MACF1: variants seen among roughly 807,000 people sequenced by gnomAD.
MACF1 encodes microtubule-actin cross-linking factor 1.
A neutral mutation model predicts 854.8 loss-of-function variants in MACF1; 193 were observed. The ratio of observed to expected loss-of-function variants is 0.23; its 90% CI spans 0.20 to 0.25. The LOEUF is 0.25. Ranked by LOEUF, MACF1 falls within the 10% of genes least tolerant of loss-of-function variation. The pLI, the probability that MACF1 is intolerant of heterozygous loss-of-function variation, is 1.00. For missense variants in MACF1, 7,722 were observed against 8,929.1 expected (o/e 0.86, Z 5.45); for synonymous variants, 3,185 against 3,226.7 (o/e 0.99, Z 0.44).
At chr1:39,468,542 A>G in intron 95 of MACF1, 73 bp from the exon 96 acceptor site, 1 of 1,207,922 alleles carries the variant, frequency 8.3e-7, no homozygotes, top group South Asian at 1.3e-5. Flanking sequence ...GTCTGAATAC[A>G]GTCTGCTTTG....
At chr1:39,303,102 G>C in intron 23 of MACF1, 24 bp downstream of exon 23, 2 of 1,610,762 alleles carry the variant, frequency 1.2e-6, no homozygotes, top group South Asian at 2.2e-5. Context: ...GCTGCCACTG[G>C]TACACCCACC....
At position 39,452,151 on chromosome 1, in the gene MACF1, T is replaced by C. The variant is rs377213942; in HGVS notation, c.20419-5T>C. 8.8e-6 allele frequency: 14 copies of C among 1,583,204 alleles called. No individual in the cohort carries two copies. The highest frequency in any genetic ancestry group is 8.2e-5 in the African/African-American group (6 of 73,560). On this transcript the variant is annotated splice_polypyrimidine_tract_variant and splice_region_variant and intron_variant, in intron 85 of 100. Transcript: ENST00000564288. ...ACAAACAAATTCTCCTATTTTCTTT[T>C]CTAGGTTTTCCAGAAGGAACTGGGA...
At chr1:39,436,425 C>T (rs1363515245) in intron 70 of MACF1, 1 of 1,604,222 alleles carries the variant, frequency 6.2e-7, no homozygotes, top group Non-Finnish European at 8.5e-7. Context: ...CTGCCTGCTC[C>T]TGTCTTCCCC....
intron 68 of MACF1, among the ~76,000 whole-genome samples, chr1:39,433,867 G>GTCA (rs1264533619): frequency 2.6e-5 from 4 of 152,124 alleles, no homozygotes; most frequent in Admixed American, 1.3e-4. Context: ...ATTACCTGAG[G>GTCA]TCAGGAGTTC....
At position 39,460,174 on chromosome 1, in the gene MACF1, A is replaced by G. The variant is rs1050805328; in HGVS notation, c.21361-458A>G. ...TTCCATCCAGAACTCAGATTTTCTCATTGAAATCTCAGAAGATAGTGGTAA... is the reference window on the plus strand; with the variant it reads ...TTCCATCCAGAACTCAGATTTTCTCGTTGAAATCTCAGAAGATAGTGGTAA... On this transcript the variant is annotated intron_variant, in intron 91 of 100. Transcript: ENST00000564288. The surrounding 1 kb of genome is among the most constrained non-coding windows in gnomAD (Gnocchi z 4.1). 6.6e-6 allele frequency among the ~76,000 whole-genome samples: 1 copy of G among 152,180 alleles called. No individual in the cohort carries two copies. The highest frequency in any genetic ancestry group is 1.5e-5 in the Non-Finnish European group (1 of 68,034).
rs1373452970 is a variant in MACF1, at chr1:39,387,254, G to A, written c.14412G>A (p.Glu4804=). The change falls in exon 58 of 101, where the codon GAG becomes GAA. Residue 4804 remains glutamate, a synonymous_variant. Coordinates refer to ENST00000564288, the MANE Select transcript of MACF1 (RefSeq NM_001394062.1). The stretch of plus-strand genomic sequence containing the variant: ...AGCAGTTCCAGCAAATGTTTGATGA[G>A]TTGAGGACCTGGTTGGATGATAAAC... ...STQQFQQMFD[E]LRTWLDDKQS... The A allele has an allele frequency of 6.2e-7, 1 of 1,614,226 alleles. No homozygotes were observed. The highest frequency in any genetic ancestry group is 8.5e-7 in the Non-Finnish European group (1 of 1,180,030).
chr1:39,431,538 T>G (rs1023082451), intron 66 of MACF1, among the ~76,000 whole-genome samples: 5 of 152,188 alleles, frequency 3.3e-5, no homozygotes, highest in Admixed American at 3.3e-4. Flanking sequence ...TTGCTCTGAG[T>G]CCAGGTATAT....
intron 58 of MACF1, among the ~76,000 whole-genome samples, chr1:39,399,371 C>CTTTTTT (rs1330401656): frequency 4.5e-4 from 44 of 96,740 alleles, no homozygotes; most frequent in African/African-American, 1.2e-3. Context: ...CTTTATAAAG[C>CTTTTTT]TTTTTTTTTT....
At chr1:39,351,315 G>A (rs927874212) in intron 43 of MACF1, among the ~76,000 whole-genome samples, 1 of 152,116 alleles carries the variant, frequency 6.6e-6, no homozygotes. Context: ...ACCACACCTA[G>A]CTAATTTTTG....
At chr1:39,485,442 TA>T in intron 100 of MACF1, 95 bp from the exon 101 acceptor site, 1 of 1,355,102 alleles carries the variant, frequency 7.4e-7, no homozygotes, top group South Asian at 1.5e-5. Context: ...GAGATTTGCT[TA>T]AGATCACACA....
intron 44 of MACF1, among the ~76,000 whole-genome samples, chr1:39,357,044 T>G (rs575874238): frequency 6.6e-6 from 1 of 152,308 alleles, no homozygotes; most frequent in Admixed American, 6.5e-5. Flanking sequence ...GGAAAAGTGA[T>G]CTATTGAGTA....
At chr1:39,324,452 C>T (rs1646571979) in intron 34 of MACF1, 107 bp downstream of exon 34, 1 of 1,367,088 alleles carries the variant, frequency 7.3e-7, no homozygotes, top group East Asian at 2.4e-5. Context: ...TGATTGCTAC[C>T]TGAGTAAATG....
Position 39,350,664 on chromosome 1 carries a change from A to G in MACF1, c.10966-121A>G. The G allele has an allele frequency of 6.3e-6, 4 of 635,772 alleles. No homozygotes were observed. In the South Asian group the frequency reaches 9.6e-5, roughly 15 times the overall value. 39.4% of individuals were successfully genotyped at this position (635,772 alleles called of 1,614,324 possible). A position where few individuals can be genotyped will look rare whatever the true frequency, so the allele number is the denominator to read the frequency against. ...TGATTTAAGCCTAAACCTGAAGCAA[A>G]TTGTAGTTAGGGACTATATACAGGA... On this transcript the variant is annotated intron_variant, in intron 42 of 100. Transcript: ENST00000564288.
chr1:39,477,069 A>AG (rs1557674926), intron 97 of MACF1, among the ~76,000 whole-genome samples: 3 of 17,464 alleles, frequency 1.7e-4, no homozygotes, highest in East Asian at 1.9e-3. Context: ...ATATATATAT[A>AG]TATATATATA....
At chr1:39,472,826 C>G (rs1644802797) in intron 97 of MACF1, among the ~76,000 whole-genome samples, 1 of 152,190 alleles carries the variant, frequency 6.6e-6, no homozygotes, top group African/African-American at 2.4e-5. Context: ...AGAAGACAAG[C>G]CTCTAAAGCC....
intron 2 of MACF1, among the ~76,000 whole-genome samples, chr1:39,192,826 G>C (rs977207778): frequency 6.6e-6 from 1 of 152,222 alleles, no homozygotes; most frequent in Non-Finnish European, 1.5e-5. Context: ...GCGTGAACTT[G>C]TATTAAGAAC....
In MACF1 at chr1:39,429,954, G is replaced by T. The variant is rs1643843891; in HGVS notation, c.17016G>T (p.Gln5672His). 1.9e-6 allele frequency: 3 copies of T among 1,614,052 alleles called. No individual in the cohort carries two copies. Among genetic ancestry groups the T allele is most frequent in the Non-Finnish European group, 2.5e-6 (3 of 1,179,988 alleles). Residue 5672 changes from glutamine to histidine, a missense_variant, in exon 65 of 101, where the codon CAG becomes CAT. Physicochemically the swap from Gln to His is conservative, Grantham distance 24 (BLOSUM62 0). Around this residue, in one of 15 missense-constraint regions of MACF1, gnomAD observed 2,807 missense variants for 3,235.8 expected, o/e 0.87. Coordinates refer to ENST00000564288, the MANE Select transcript of MACF1 (RefSeq NM_001394062.1). ...CCCGGCAGCTGGCCACCAAGTTCCA[G>T]TCTACTTATGAGGAACTGACCGGGT... ...EQARQLATKF[Q>H]STYEELTGWL...
intron 2 of MACF1, among the ~76,000 whole-genome samples, chr1:39,243,179 G>T (rs761339764): frequency 6.6e-6 from 1 of 152,024 alleles, no homozygotes; most frequent in Non-Finnish European, 1.5e-5. Flanking sequence ...TTTCCTTATG[G>T]CTAATGATGT....
rs149067070 is a variant in MACF1 at position 39,444,062 on chromosome 1, G to T, written c.19431+488G>T. 5.0e-3 allele frequency among the ~76,000 whole-genome samples: 766 copies of T among 152,294 alleles called. 9 individuals are homozygous for T. Among genetic ancestry groups the T allele is most frequent in the African/African-American group, 0.017 (719 of 41,560 alleles). ...TAAAAAATGTTTTTCTTGGCCGAGC[G>T]CAGTGGCTCACGCCTGTAATCCCAG... On this transcript the variant is annotated intron_variant, in intron 79 of 100. Transcript: ENST00000564288.
Sources: gnomAD v4.1 joint callset for allele counts (sites outside exome capture counted in the v4.1 genomes callset) on GRCh38, gnomAD v4.1.1 for gene constraint, gnomAD v4.1.1 regional missense constraint, Gnocchi (gnomAD v3.1) non-coding constraint, MANE v1.5 for transcripts, NCBI Gene and HGNC (gene_info 2026-07-23, HGNC 2026-07-21) for gene names.